FOXN3: variants seen among roughly 807,000 people sequenced by gnomAD.
FOXN3 encodes the protein forkhead box protein N3.
FOXN3 carries 7 observed loss-of-function variants against 38.4 expected under a neutral mutation model. The ratio of observed to expected loss-of-function variants is 0.18; its 90% CI spans 0.10 to 0.34. The LOEUF is 0.34. Ranked by LOEUF, FOXN3 falls within the 10% of genes least tolerant of loss-of-function variation. The probability of loss-of-function intolerance (pLI) is 1.00; values close to 1 mark genes in which losing one functional copy is unlikely to be tolerated. For missense variants in FOXN3, 456 were observed against 613.4 expected (o/e 0.74, Z 2.71); for synonymous variants, 230 against 242.2 (o/e 0.95, Z 0.47).
At chr14:89,376,311 T>A (rs1306064449) in intron 2 of FOXN3, among the ~76,000 whole-genome samples, 1 of 152,240 alleles carries the variant, frequency 6.6e-6, no homozygotes, top group Admixed American at 6.5e-5. Context: ...ACAATTATTA[T>A]AATTGATTAT....
upstream of FOXN3, chr14:89,419,364 C>G (rs924291124): frequency 1.4e-5 from 5 of 357,596 alleles, no homozygotes; most frequent in African/African-American, 8.5e-5. Context: ...GCTTCCTGAC[C>G]TAGGGTGCAG....
intron 1 of FOXN3, among the ~76,000 whole-genome samples, chr14:89,599,405 G>C (rs1386998987): frequency 6.6e-6 from 1 of 152,006 alleles, no homozygotes; most frequent in Non-Finnish European, 1.5e-5. Context: ...AGTTCCAGAA[G>C]GTCCATTTGG....
At chr14:89,275,418 T>C (rs1886269552) in intron 4 of FOXN3, among the ~76,000 whole-genome samples, 1 of 152,190 alleles carries the variant, frequency 6.6e-6, no homozygotes, top group Admixed American at 6.5e-5. Flanking sequence ...ATCTTTGCCA[T>C]CGCTGAGGTC....
chr14:89,565,280 C>T (rs1021246441), intron 1 of FOXN3, among the ~76,000 whole-genome samples: 8 of 152,090 alleles, frequency 5.3e-5, no homozygotes, highest in African/African-American at 1.7e-4. Context: ...AGCCTTCAGG[C>T]TGCACAGCCC....
In FOXN3 at chr14:89,492,598, G is replaced by A. The variant is rs573125115; in HGVS notation, c.-14-80108C>T. The stretch of plus-strand genomic sequence containing the variant: ...ATGGTGGTATGTGCCTGTTGTCCCG[G>A]CTACTTGGGAAACTGAGGCAGAAGG... On this transcript the variant is annotated intron_variant, in intron 1 of 6. Coordinates refer to the FOXN3 transcript ENST00000345097. 4.6e-5 allele frequency among the ~76,000 whole-genome samples: 7 copies of A among 152,302 alleles called. No individual in the cohort carries two copies. In the South Asian group the frequency reaches 1.4e-3, roughly 32 times the overall value.
intron 3 of FOXN3, chr14:89,291,357 G>A: frequency 1.7e-6 from 1 of 580,636 alleles, no homozygotes; most frequent in Non-Finnish European, 3.4e-6. Context: ...GGAAAGCCCT[G>A]TAACACCCTT....
intron 1 of FOXN3, among the ~76,000 whole-genome samples, chr14:89,464,268 G>T (rs563909221): frequency 6.6e-6 from 1 of 152,246 alleles, no homozygotes; most frequent in East Asian, 1.9e-4. Flanking sequence ...CCATTTCCTA[G>T]ACCTGGGAGT....
At chr14:89,179,340 G>A (rs1000230705) in intron 5 of FOXN3, among the ~76,000 whole-genome samples, 5 of 152,298 alleles carry the variant, frequency 3.3e-5, no homozygotes, top group African/African-American at 7.2e-5. Flanking sequence ...AGACAAGCTC[G>A]TGGAGAAGCT....
intron 1 of FOXN3, among the ~76,000 whole-genome samples, chr14:89,469,509 C>A (rs1893047725): frequency 6.6e-6 from 1 of 152,234 alleles, no homozygotes; most frequent in Non-Finnish European, 1.5e-5. Flanking sequence ...TATCTCAAGT[C>A]TCTGTTCTGT....
rs576875682 is a variant in FOXN3, at chr14:89,518,559, A to G, written c.-15+100469T>C. Among the ~76,000 whole-genome samples the G allele has an allele frequency of 5.9e-5, 9 of 152,354 alleles. No homozygotes were observed. The East Asian group carries it at 1.2e-3, about 20-fold the overall frequency. On this transcript the variant is annotated intron_variant, in intron 1 of 6. Transcript: ENST00000345097. ...CCCTCCTCCCTCCCCACCTTTGCCA[A>G]GAAAAACTAAGTTTGTTTGAAGGGG...
chr14:89,363,391 C>T (rs937702323), intron 2 of FOXN3, among the ~76,000 whole-genome samples: 1 of 152,220 alleles, frequency 6.6e-6, no homozygotes, highest in Non-Finnish European at 1.5e-5. Flanking sequence ...CCATGAGGGG[C>T]CACAGGCAAT....
At chr14:89,303,295 C>T (rs1887275433) in intron 3 of FOXN3, among the ~76,000 whole-genome samples, 1 of 152,044 alleles carries the variant, frequency 6.6e-6, no homozygotes, top group South Asian at 2.1e-4. Flanking sequence ...GAAAATACTG[C>T]TCCTCCTGTC....
At chr14:89,304,417 G>C (rs899684433) in intron 3 of FOXN3, among the ~76,000 whole-genome samples, 1 of 152,160 alleles carries the variant, frequency 6.6e-6, no homozygotes, top group Non-Finnish European at 1.5e-5. Context: ...TGTTTGTTGA[G>C]ATGTGAGATT....
intron 1 of FOXN3, among the ~76,000 whole-genome samples, chr14:89,500,910 G>A (rs758286212): frequency 1.3e-5 from 2 of 152,208 alleles, no homozygotes; most frequent in East Asian, 1.9e-4. Flanking sequence ...GAATGGAAAC[G>A]TCTCCTTTTC....
At chr14:89,587,563 C>T (rs769541280) in intron 1 of FOXN3, among the ~76,000 whole-genome samples, 18 of 152,064 alleles carry the variant, frequency 1.2e-4, no homozygotes, top group Non-Finnish European at 2.1e-4. Context: ...CATTTATCTC[C>T]GGGGAAAAAA....
At chr14:89,435,293 G>A (rs1465453556) in intron 1 of FOXN3, among the ~76,000 whole-genome samples, 1 of 151,526 alleles carries the variant, frequency 6.6e-6, no homozygotes, top group Non-Finnish European at 1.5e-5. Context: ...GATCACTAGG[G>A]CCTGCGAGGT....
At chr14:89,168,396 G>A (rs935949438) in intron 5 of FOXN3, among the ~76,000 whole-genome samples, 3 of 152,188 alleles carry the variant, frequency 2.0e-5, no homozygotes, top group Non-Finnish European at 4.4e-5. Flanking sequence ...CTACTCAAGA[G>A]GCTGAAGAGG....
intron 3 of FOXN3, among the ~76,000 whole-genome samples, chr14:89,318,625 G>A (rs1265246867): frequency 6.6e-6 from 1 of 152,210 alleles, no homozygotes; most frequent in Non-Finnish European, 1.5e-5. Flanking sequence ...GTCAGGCTGT[G>A]TTCTAAGGAT....
intron 1 of FOXN3, among the ~76,000 whole-genome samples, chr14:89,572,909 G>A (rs1179250496): frequency 1.3e-5 from 2 of 152,208 alleles, no homozygotes; most frequent in East Asian, 3.9e-4. Context: ...CGGGGTCATC[G>A]AACAGGGTTC....
Sources: gnomAD v4.1 joint callset for allele counts (sites outside exome capture counted in the v4.1 genomes callset) on GRCh38, gnomAD v4.1.1 for gene constraint, MANE v1.5 for transcripts, NCBI Gene and HGNC (gene_info 2026-07-23, HGNC 2026-07-21) for gene names.